Variants in CNIH1 observed in about 807,000 individuals in gnomAD.
The protein encoded by CNIH1 is cornichon family member 1, also known as protein cornichon homolog 1.
In CNIH1, 12 loss-of-function variants were observed where a neutral mutation model predicts 20.2. The ratio of observed to expected loss-of-function variants is 0.59; its 90% CI spans 0.38 to 0.96. The LOEUF is 0.96. Ranked by LOEUF, CNIH1 falls within the 40% of genes least tolerant of loss-of-function variation. The pLI is 0.00. For synonymous variants in CNIH1, 69 were observed against 63.3 expected (o/e 1.09, Z -0.43); for missense variants, 152 against 178.8 (o/e 0.85, Z 0.85).
At chr14:54,432,533 T>A (rs909660683) in intron 2 of CNIH1, among the ~76,000 whole-genome samples, 1 of 152,118 alleles carries the variant, frequency 6.6e-6, no homozygotes, top group African/African-American at 2.4e-5. Flanking sequence ...AATATGCTAG[T>A]CAACTAGAAT....
At chr14:54,433,777 T>C (rs934071676) in intron 2 of CNIH1, among the ~76,000 whole-genome samples, 5 of 152,156 alleles carry the variant, frequency 3.3e-5, no homozygotes, top group Non-Finnish European at 7.3e-5. Context: ...GAATGAAGTA[T>C]GGAAAGAATG....
intron 4 of CNIH1, among the ~76,000 whole-genome samples, chr14:54,428,956 G>C (rs1022860397): frequency 3.3e-5 from 5 of 152,094 alleles, no homozygotes; most frequent in African/African-American, 9.7e-5. Context: ...ATCTTAGCAA[G>C]TTTTCAAGTA....
intron 3 of CNIH1, 151 bp from the exon 4 acceptor site, chr14:54,430,555 T>A: frequency 3.0e-6 from 2 of 669,028 alleles, no homozygotes; most frequent in Non-Finnish European, 4.7e-6. Context: ...CCTTTTACCA[T>A]CTTAATTTTA....
chr14:54,441,343 G>A lies in CNIH1; in HGVS notation c.-16C>T. The A allele has an allele frequency of 6.7e-7, 1 of 1,489,142 alleles. No homozygotes were observed. The highest frequency in any genetic ancestry group is 9.0e-7 in the Non-Finnish European group (1 of 1,110,694). 92.2% of individuals were successfully genotyped at this position (1,489,142 alleles called of 1,614,324 possible). On this transcript the variant is annotated 5_prime_UTR_variant, in exon 1 of 5. Coordinates refer to ENST00000216416, the MANE Select transcript of CNIH1 (RefSeq NM_005776.3). ...TGAACGCCATGGCTGGGGAGGAGGA[G>A]CGGGGAGCGGCGCCGTTGCCAGCGG...
At position 54,432,185 on chromosome 14, in the gene CNIH1, G is replaced by T; in HGVS notation, c.186C>A (p.Phe62Leu). The T allele has an allele frequency of 6.4e-7, 1 of 1,561,830 alleles. No homozygotes were observed. The stretch of plus-strand genomic sequence containing the variant: ...CTGCTGCACAAAGAAACATGACACA[G>T]AAGAAAGCGTGGATGAGGTACTCTG... ...VLPEYLIHAF[F>L]CVMFLCAAEW... Residue 62 changes from phenylalanine to leucine, a missense_variant, in exon 3 of 5, where the codon TTC becomes TTA. Transcript: ENST00000216416.
chr14:54,425,386 A>G lies in CNIH1; in HGVS notation c.*2428T>C, dbSNP rs1476520100. The stretch of plus-strand genomic sequence containing the variant: ...ACCAAAAGTAACTGTAATAAGGAGA[A>G]AAAAAAAAAGAGTACCTAAATGAAC... On this transcript the variant is annotated 3_prime_UTR_variant, in exon 5 of 5. Coordinates refer to ENST00000216416, the MANE Select transcript of CNIH1 (RefSeq NM_005776.3). 4.8e-5 allele frequency: 4 copies of G among 82,914 alleles called. No homozygotes were observed. Among genetic ancestry groups the G allele is most frequent in the East Asian group, 5.0e-4 (1 of 2,012 alleles). 5.1% of individuals were successfully genotyped at this position (82,914 alleles called of 1,614,324 possible). A position where few individuals can be genotyped will look rare whatever the true frequency, so the allele number is the denominator to read the frequency against.
chr14:54,431,583 A>G (rs2030944970), intron 3 of CNIH1, among the ~76,000 whole-genome samples: 1 of 152,236 alleles, frequency 6.6e-6, no homozygotes, highest in Non-Finnish European at 1.5e-5. Context: ...TACGGCAGAT[A>G]TTACTATGGA....
At chr14:54,434,153 T>C (rs190561616) in intron 2 of CNIH1, among the ~76,000 whole-genome samples, 2 of 152,352 alleles carry the variant, frequency 1.3e-5, no homozygotes, top group African/African-American at 4.8e-5. Flanking sequence ...GATATTTGTC[T>C]TCCCCCATAC....
intron 4 of CNIH1, among the ~76,000 whole-genome samples, chr14:54,428,768 T>C (rs1422073618): frequency 1.3e-5 from 2 of 152,224 alleles, no homozygotes; most frequent in African/African-American, 2.4e-5. Context: ...AGCACTTCTT[T>C]GTTTCATAGA....
In CNIH1 at chr14:54,427,636, T is replaced by G. The variant is rs1461644877; in HGVS notation, c.*178A>C. The G allele has an allele frequency of 1.6e-6, 1 of 628,748 alleles. No individual in the cohort carries two copies. Among genetic ancestry groups the G allele is most frequent in the East Asian group, 2.7e-5 (1 of 37,142 alleles). The allele number at this position is 628,748 out of a possible 1,614,324, so 38.9% of individuals were successfully genotyped here. ...AAAATCTTTATCTGAGTATAACATA[T>G]GAAAACAGTCTTTCCACAAGCAAAA... On this transcript the variant is annotated 3_prime_UTR_variant, in exon 5 of 5. Transcript: ENST00000216416.
At chr14:54,435,338 T>C (rs897442623) in intron 2 of CNIH1, among the ~76,000 whole-genome samples, 5 of 152,064 alleles carry the variant, frequency 3.3e-5, no homozygotes, top group Non-Finnish European at 7.4e-5. Flanking sequence ...ACCCAGGAGT[T>C]TGATAAGAGC....
chr14:54,437,061 T>C (rs1235751430), intron 1 of CNIH1, among the ~76,000 whole-genome samples: 1 of 152,218 alleles, frequency 6.6e-6, no homozygotes, highest in Non-Finnish European at 1.5e-5. Context: ...CTCTTCAATG[T>C]GTTCCCATTG....
chr14:54,436,352 C>A lies in CNIH1; in HGVS notation c.150+17G>T. The A allele has an allele frequency of 7.3e-7, 1 of 1,365,946 alleles. No individual in the cohort carries two copies. Among genetic ancestry groups the A allele is most frequent in the Admixed American group, 1.8e-5 (1 of 56,390 alleles). The allele number at this position is 1,365,946 out of a possible 1,614,324, so 84.6% of individuals were successfully genotyped here. ...ATATTTTTAAAATCTAAAGATAAATCCTATATTATAACTTACGGGATTCAG... is the reference window on the plus strand; with the variant it reads ...ATATTTTTAAAATCTAAAGATAAATACTATATTATAACTTACGGGATTCAG... On this transcript the variant is annotated intron_variant, in intron 2 of 4. Transcript: ENST00000216416.
At chr14:54,438,449 A>G (rs2031099258) in intron 1 of CNIH1, among the ~76,000 whole-genome samples, 1 of 152,238 alleles carries the variant, frequency 6.6e-6, no homozygotes, top group African/African-American at 2.4e-5. Context: ...CAAAAATAAA[A>G]CAGATAAATC....
At chr14:54,429,187 T>C (rs1466349264) in intron 4 of CNIH1, among the ~76,000 whole-genome samples, 1 of 152,244 alleles carries the variant, frequency 6.6e-6, no homozygotes, top group African/African-American at 2.4e-5. Flanking sequence ...TAAGCAGTCA[T>C]TTCACTGCAC....
intron 2 of CNIH1, chr14:54,436,072 T>C (rs1188768514): frequency 1.7e-5 from 12 of 702,190 alleles, no homozygotes; most frequent in Middle Eastern, 2.3e-4. Flanking sequence ...TAAAAAGCAG[T>C]ACACACCTTT....
intron 2 of CNIH1, 129 bp downstream of exon 2, chr14:54,436,240 T>A (rs948675878): frequency 1.7e-5 from 12 of 706,938 alleles, no homozygotes; most frequent in Admixed American, 4.4e-5. Context: ...GAAGATTTTT[T>A]AAATTCTGCC....
rs2030842924 is a variant in CNIH1 at position 54,427,200 on chromosome 14, C to G, written c.*614G>C. 6.6e-6 allele frequency: 1 copy of G among 152,082 alleles called. No individual in the cohort carries two copies. Among genetic ancestry groups the G allele is most frequent in the Admixed American group, 6.5e-5 (1 of 15,270 alleles). 9.4% of individuals were successfully genotyped at this position (152,082 alleles called of 1,614,324 possible). On this transcript the variant is annotated 3_prime_UTR_variant, in exon 5 of 5. Transcript: ENST00000216416. ...GTTTACTTATGCTTAAGAATTAAAG[C>G]AAGTATATTTATTACTCTGATGGAA...
In CNIH1 at chr14:54,440,364, T is replaced by C. The variant is rs558701029; in HGVS notation, c.81+883A>G. Among the ~76,000 whole-genome samples the C allele has an allele frequency of 7.9e-5, 12 of 152,236 alleles. 1 individual carries two copies. In the South Asian group the frequency reaches 2.5e-3, roughly 32 times the overall value. The stretch of plus-strand genomic sequence containing the variant: ...AGAAGGCTCTCAAGGCTTTTAATTT[T>C]GTGCTAAAGCAACAGAAATTCTTAT... On this transcript the variant is annotated intron_variant, in intron 1 of 4. Transcript: ENST00000216416.
Sources: gnomAD v4.1 joint callset for allele counts (sites outside exome capture counted in the v4.1 genomes callset) on GRCh38, gnomAD v4.1.1 for gene constraint, MANE v1.5 for transcripts, NCBI Gene and HGNC (gene_info 2026-07-23, HGNC 2026-07-21) for gene names.